CLNK: variants seen among roughly 807,000 people sequenced by gnomAD.
CLNK encodes the protein cytokine dependent hematopoietic cell linker, also known as cytokine-dependent hematopoietic cell linker.
Under a neutral mutation model 68.6 loss-of-function variants are expected in CLNK, and 74 were observed. The observed-to-expected ratio is 1.08, with a 90% CI of 0.89 to 1.31. The LOEUF (loss-of-function observed/expected upper bound fraction) is 1.31, where lower values mean the gene tolerates loss of function less well. CLNK is among the 50% of genes most tolerant of loss of function. CLNK has a pLI of 0.00. For missense variants in CLNK, 553 were observed against 515.3 expected (o/e 1.07, Z -0.71); for synonymous variants, 198 against 172.2 (o/e 1.15, Z -1.17).
chr4:10,598,532 T>C (rs1721469081), intron 2 of CLNK: 1 of 251,994 alleles, frequency 4.0e-6, no homozygotes, highest in African/African-American at 2.3e-5. Flanking sequence ...TAGCAAACAT[T>C]ATCCAACGTG....
In CLNK at chr4:10,534,951, C is replaced by T. The variant is rs530688637; in HGVS notation, c.603-2668G>A. On this transcript the variant is annotated intron_variant, in intron 11 of 18. Transcript: ENST00000226951. ...TCTCTTTTAAAAGACCACGGTTTCT[C>T]GATATCTATAAAGACTTTTTGTTTT... is the stretch of plus-strand genomic sequence containing the variant. Among the ~76,000 whole-genome samples, 4 of 152,238 alleles carry T rather than the reference C, an allele frequency of 2.6e-5. No homozygotes were observed. In the South Asian group the frequency reaches 8.3e-4, roughly 32 times the overall value.
chr4:10,581,801 A>C (rs1720794737), intron 4 of CLNK, among the ~76,000 whole-genome samples: 1 of 152,034 alleles, frequency 6.6e-6, no homozygotes, highest in Non-Finnish European at 1.5e-5. Flanking sequence ...TAGAAATGCA[A>C]ATGAAATAAT....
In CLNK at chr4:10,609,479, C is replaced by A. The variant is rs559711694; in HGVS notation, c.12-11430G>T. Among the ~76,000 whole-genome samples, 176 of 152,322 alleles carry A rather than the reference C, an allele frequency of 1.2e-3. 1 individual carries two copies. Among genetic ancestry groups the A allele is most frequent in the Non-Finnish European group, 2.4e-3 (160 of 68,034 alleles). On this transcript the variant is annotated intron_variant, in intron 2 of 18. Coordinates refer to ENST00000226951, the MANE Select transcript of CLNK (RefSeq NM_052964.4). ...ATCAGACTTTGGTTTTCAGTGACTGCCACCTGCACAGTCATCATTTGCATG... is the reference window on the plus strand; with the variant it reads ...ATCAGACTTTGGTTTTCAGTGACTGACACCTGCACAGTCATCATTTGCATG...
At chr4:10,575,816 T>A (rs1720540571) in intron 4 of CLNK, among the ~76,000 whole-genome samples, 1 of 152,258 alleles carries the variant, frequency 6.6e-6, no homozygotes, top group Non-Finnish European at 1.5e-5. Context: ...TTGATCCACA[T>A]TGGATTGTGA....
At chr4:10,690,900 C>A in the CLNK span, among the ~76,000 whole-genome samples, 1 of 138,474 alleles carries the variant, frequency 7.2e-6, no homozygotes, top group Admixed American at 7.5e-5. Flanking sequence ...GCTACTGTAC[C>A]TGGTGAAACA....
intron 2 of CLNK, among the ~76,000 whole-genome samples, chr4:10,600,038 C>G (rs73098267): frequency 6.6e-6 from 1 of 152,206 alleles, no homozygotes; most frequent in Non-Finnish European, 1.5e-5. Flanking sequence ...ACCATGATAG[C>G]TAAGTTTCCT....
At chr4:10,618,657 T>C (rs1373115431) in intron 2 of CLNK, among the ~76,000 whole-genome samples, 1 of 152,220 alleles carries the variant, frequency 6.6e-6, no homozygotes, top group African/African-American at 2.4e-5. Context: ...CTTCTGCTTC[T>C]GGGGAGGCCT....
At chr4:10,508,254 AG>A (rs1430634198) in intron 16 of CLNK, among the ~76,000 whole-genome samples, 1 of 152,176 alleles carries the variant, frequency 6.6e-6, no homozygotes, top group African/African-American at 2.4e-5. Flanking sequence ...GGAATTCTGA[AG>A]TCTATGGGAA....
At chr4:10,647,613 A>G (rs185674535) in intron 2 of CLNK, among the ~76,000 whole-genome samples, 1 of 152,324 alleles carries the variant, frequency 6.6e-6, no homozygotes, top group East Asian at 1.9e-4. Flanking sequence ...TAGGATACAG[A>G]TATGAGATTC....
At chr4:10,555,394 A>G (rs938533137) in intron 8 of CLNK, among the ~76,000 whole-genome samples, 5 of 152,178 alleles carry the variant, frequency 3.3e-5, no homozygotes, top group Admixed American at 3.3e-4. Flanking sequence ...ACCACGCTGT[A>G]TTTGAAAATT....
At position 10,632,404 on chromosome 4, in the gene CLNK, A is replaced by G. The variant is rs567982515; in HGVS notation, c.12-34355T>C. Among the ~76,000 whole-genome samples the G allele has an allele frequency of 1.5e-3, 227 of 152,364 alleles. 1 individual carries two copies. Among genetic ancestry groups the G allele is most frequent in the Admixed American group, 2.6e-3 (40 of 15,306 alleles). On this transcript the variant is annotated intron_variant, in intron 2 of 18. Coordinates refer to ENST00000226951, the MANE Select transcript of CLNK (RefSeq NM_052964.4). ...GAATTCAACAGGAATACATCAGGAG[A>G]GGGGGAGGGACTTCTAATTCTGCCC...
the CLNK span, among the ~76,000 whole-genome samples, chr4:10,715,353 A>T: frequency 0.1 from 15,915 of 152,210 alleles, 962 homozygotes; most frequent in South Asian, 0.21. Context: ...ACCCCGCCCC[A>T]TCATAATAGA....
At position 10,682,123 on chromosome 4, in the gene CLNK, G is replaced by GTT. The variant is rs1451521283; in HGVS notation, c.-43+2544_-43+2545insAA. 1.4e-4 allele frequency among the ~76,000 whole-genome samples: 16 copies of GTT among 115,676 alleles called. No individual in the cohort carries two copies. In the East Asian group the frequency reaches 3.6e-3, roughly 26 times the overall value. The allele number at this position is 115,676 out of a possible 152,430, so 75.9% of individuals were successfully genotyped here. A position where few individuals can be genotyped will look rare whatever the true frequency, so the allele number is the denominator to read the frequency against. ...ATAGCTCTATTCCACAATTCTGTTT[G>GTT]TGTGTGTGTATGTGTGTGTGTGTGT... On this transcript the variant is annotated intron_variant, in intron 1 of 18. Transcript: ENST00000226951.
chr4:10,724,882 G>C, the CLNK span, among the ~76,000 whole-genome samples: 2 of 152,190 alleles, frequency 1.3e-5, no homozygotes, highest in Non-Finnish European at 2.9e-5. Context: ...TTAGTGACGG[G>C]AGAGAAGAGA....
chr4:10,593,590 G>T (rs952113411), intron 3 of CLNK, among the ~76,000 whole-genome samples: 6 of 152,162 alleles, frequency 3.9e-5, no homozygotes, highest in African/African-American at 1.4e-4. Context: ...AGAGGCGGAG[G>T]TTGCAGTGAG....
chr4:10,688,321 T>A (rs373074586), upstream of CLNK, among the ~76,000 whole-genome samples: 7 of 152,254 alleles, frequency 4.6e-5, no homozygotes, highest in East Asian at 5.8e-4. Flanking sequence ...AAGTTTTCAC[T>A]TTCTGAATAG....
intron 10 of CLNK, 68 bp from the exon 11 acceptor site, chr4:10,540,672 CCA>C (rs1718977885): frequency 2.8e-6 from 3 of 1,055,514 alleles, no homozygotes. Context: ...GGCCCTGAAT[CCA>C]CACTGCTCTG....
At chr4:10,637,312 A>G (rs1577187636) in intron 2 of CLNK, among the ~76,000 whole-genome samples, 3 of 152,300 alleles carry the variant, frequency 2.0e-5, no homozygotes, top group African/African-American at 7.2e-5. Context: ...CCAGATGGGG[A>G]AGCTACAAGA....
At chr4:10,653,061 A>T (rs1723817407) in intron 2 of CLNK, among the ~76,000 whole-genome samples, 1 of 152,216 alleles carries the variant, frequency 6.6e-6, no homozygotes. Context: ...GACACTGGAA[A>T]CCATCATTCA....
Sources: allele counts gnomAD v4.1 joint callset (sites outside exome capture counted in the v4.1 genomes callset), GRCh38; gene constraint gnomAD v4.1.1; transcripts MANE v1.5; gene names NCBI Gene and HGNC (gene_info 2026-07-23, HGNC 2026-07-21).